The following FLNB variants were observed in gnomAD, a reference collection of about 807,000 sequenced individuals.
FLNB encodes the protein filamin-B.
In FLNB, 111 loss-of-function variants were observed where a neutral mutation model predicts 250.6. The observed-to-expected ratio is 0.44, with a 90% CI of 0.38 to 0.52. The LOEUF (loss-of-function observed/expected upper bound fraction) is 0.52, where lower values mean the gene tolerates loss of function less well. FLNB is among the 20% of genes least tolerant of loss of function. FLNB has a pLI of 0.00. For missense variants in FLNB, 2,869 were observed against 3,447.8 expected (o/e 0.83, Z 4.20); for synonymous variants, 1,302 against 1,372.1 (o/e 0.95, Z 1.13).
At chr3:58,018,517 TTTTA>T (rs1311771134) in intron 1 of FLNB, among the ~76,000 whole-genome samples, 2 of 150,660 alleles carry the variant, frequency 1.3e-5, no homozygotes, top group Non-Finnish European at 3.0e-5. Flanking sequence ...GTATTTTTAT[TTTTA>T]TTTATTTATT....
rs201563731 is a variant in FLNB, at chr3:58,078,820, C to G, written c.639+6C>G. 1 of 1,607,486 alleles carries G rather than the reference C, an allele frequency of 6.2e-7. No individual in the cohort carries two copies. The highest frequency in any genetic ancestry group is 1.1e-5 in the South Asian group (1 of 90,228). ...ACTGGCTGGGTGTCCCACAGGTATGCACAAGTGTGCCAGGTCCTGTGAGGC... is the reference window on the plus strand; with the variant it reads ...ACTGGCTGGGTGTCCCACAGGTATGGACAAGTGTGCCAGGTCCTGTGAGGC... On this transcript the variant is annotated splice_donor_region_variant and intron_variant, in intron 3 of 45. Coordinates refer to ENST00000295956, the MANE Select transcript of FLNB (RefSeq NM_001457.4).
intron 2 of FLNB, chr3:58,078,202 C>T (rs767808739): frequency 1.6e-5 from 19 of 1,166,780 alleles, no homozygotes; most frequent in Non-Finnish European, 2.0e-5. Context: ...TCTTTACTTC[C>T]ATTTAAGGAC....
At chr3:58,167,723 C>A (rs1410909554) in intron 43 of FLNB, among the ~76,000 whole-genome samples, 1 of 152,256 alleles carries the variant, frequency 6.6e-6, no homozygotes, top group Admixed American at 6.5e-5. Flanking sequence ...CTACCACTTT[C>A]TGGTTGTGTA....
chr3:58,106,482 A>G (rs990886571), intron 11 of FLNB, among the ~76,000 whole-genome samples, 198 bp from the exon 12 acceptor site: 2 of 149,424 alleles, frequency 1.3e-5, no homozygotes, highest in African/African-American at 4.9e-5. Flanking sequence ...AAAAAAAAAA[A>G]TATATATATA....
At chr3:58,139,734 T>A (rs1162230503) in intron 29 of FLNB, among the ~76,000 whole-genome samples, 1 of 152,058 alleles carries the variant, frequency 6.6e-6, no homozygotes, top group East Asian at 1.9e-4. Flanking sequence ...AGGGTACCAG[T>A]TGTAGTTTTC....
At chr3:58,125,769 C>A (rs561579134) in intron 23 of FLNB, 26 bp downstream of exon 23, 28 of 1,611,670 alleles carry the variant, frequency 1.7e-5, no homozygotes, top group Non-Finnish European at 2.4e-5. Context: ...CATTTGGTGT[C>A]TTGAGTCTCA....
chr3:58,104,198 C>CT (rs34703970), intron 10 of FLNB, 113 bp downstream of exon 10: 22,988 of 664,080 alleles, frequency 0.035, 58 homozygotes, highest in East Asian at 0.072. Context: ...TTGTTGAAAA[C>CT]TTTTTTTTTT....
chr3:58,118,963 A>G lies in FLNB; in HGVS notation c.2837A>G (p.Lys946Arg). 10 of 1,613,994 alleles carry G rather than the reference A, an allele frequency of 6.2e-6. No individual in the cohort carries two copies. The highest frequency in any genetic ancestry group is 8.5e-6 in the Non-Finnish European group (10 of 1,179,874). ...GTTGCTGCACCGCTGGATCTGAGCA[A>G]GATAAAACTCAATGGGCTGGAAAAC... ...VGVAAPLDLS[K>R]IKLNGLENRV... is the part of the protein sequence containing the mutation. Residue 946 changes from lysine (K) to arginine (R), a missense_variant, in exon 19 of 46, where the codon AAG becomes AGG. Transcript: ENST00000295956.
intron 1 of FLNB, among the ~76,000 whole-genome samples, chr3:58,053,288 ATCC>A (rs938715219): frequency 4.6e-5 from 7 of 152,206 alleles, no homozygotes; most frequent in Admixed American, 2.0e-4. Flanking sequence ...GGCTCAGTCT[ATCC>A]TCCTGCCTCA....
At chr3:58,058,576 G>T (rs1277154925) in intron 1 of FLNB, among the ~76,000 whole-genome samples, 2 of 152,236 alleles carry the variant, frequency 1.3e-5, no homozygotes, top group African/African-American at 4.8e-5. Context: ...TTTTAAGTGA[G>T]TTGGTTGTCG....
chr3:58,031,625 C>T (rs1248928720), intron 1 of FLNB, among the ~76,000 whole-genome samples: 1 of 144,062 alleles, frequency 6.9e-6, no homozygotes, highest in Non-Finnish European at 1.5e-5. Flanking sequence ...GATAATGGCT[C>T]ACTGCAGCTT....
At chr3:58,156,657 C>A (rs1264577203) in intron 41 of FLNB, among the ~76,000 whole-genome samples, 3 of 152,114 alleles carry the variant, frequency 2.0e-5, no homozygotes, top group African/African-American at 7.2e-5. Flanking sequence ...TAGTATGAGG[C>A]AGAACAGGCA....
chr3:58,157,921 G>T (rs998053296), intron 41 of FLNB, among the ~76,000 whole-genome samples: 12 of 152,238 alleles, frequency 7.9e-5, no homozygotes, highest in Non-Finnish European at 1.8e-4. Context: ...CGCAGGAGAA[G>T]TGTGTTCATC....
chr3:58,138,853 AAC>A lies in FLNB; in HGVS notation c.5109+326_5109+327del, dbSNP rs10575648. Among the ~76,000 whole-genome samples the A allele has an allele frequency of 0.01, 1,534 of 152,298 alleles. 29 individuals carry two copies. Among genetic ancestry groups the A allele is most frequent in the East Asian group, 0.057 (294 of 5,144 alleles). ...CCTTTATGAAAATGTTTCTACATAA[AAC>A]ATGACAGGTTTTTAACCGGCCAGCT... On this transcript the variant is annotated intron_variant, in intron 29 of 45. Transcript: ENST00000295956.
rs1483188324 is a variant in FLNB at position 58,168,626 on chromosome 3, T to C, written c.7385T>C (p.Ile2462Thr). Residue 2462 changes from isoleucine to threonine, a missense_variant, in exon 44 of 46, where the codon ATC (isoleucine) becomes ACC (threonine). Transcript: ENST00000295956. ...ISVKYGGPNHIVGSPFKAKVT... is the reference protein window; with the variant it reads ...ISVKYGGPNHTVGSPFKAKVT... ...GTCAAATACGGTGGGCCCAACCACA[T>C]CGTGGGCAGTCCCTTCAAGGCCAAG... 1.1e-5 allele frequency: 17 copies of C among 1,613,858 alleles called. No individual in the cohort carries two copies. The highest frequency in any genetic ancestry group is 1.4e-5 in the Non-Finnish European group (17 of 1,179,964).
chr3:58,037,512 C>T (rs2097139798), intron 1 of FLNB, among the ~76,000 whole-genome samples: 1 of 152,220 alleles, frequency 6.6e-6, no homozygotes, highest in Non-Finnish European at 1.5e-5. Flanking sequence ...CTCTTGACCA[C>T]TCATTTTTTT....
At chr3:58,132,748 C>A in intron 25 of FLNB, 60 bp from the exon 26 acceptor site, 5 of 1,611,370 alleles carry the variant, frequency 3.1e-6, no homozygotes, top group Non-Finnish European at 4.2e-6. Context: ...TCAGACTCAG[C>A]CAAGGGTGGA....
At chr3:58,037,674 C>A (rs549000665) in intron 1 of FLNB, among the ~76,000 whole-genome samples, 2 of 152,332 alleles carry the variant, frequency 1.3e-5, no homozygotes, top group Admixed American at 1.3e-4. Context: ...CTGTTTATGA[C>A]CCTGGCCCTC....
intron 1 of FLNB, among the ~76,000 whole-genome samples, chr3:58,055,758 T>G (rs1202537162): frequency 2.6e-5 from 4 of 152,226 alleles, no homozygotes; most frequent in Admixed American, 1.3e-4. Flanking sequence ...AAGACTGTAC[T>G]CTTTCTTTCC....
Sources: allele counts gnomAD v4.1 joint callset (sites outside exome capture counted in the v4.1 genomes callset), GRCh38; gene constraint gnomAD v4.1.1; transcripts MANE v1.5; gene names NCBI Gene and HGNC (gene_info 2026-07-23, HGNC 2026-07-21).